Variants in AASDH observed in about 807,000 individuals in gnomAD.
AASDH encodes beta-alanine-activating enzyme.
Under a neutral mutation model 102.3 loss-of-function variants are expected in AASDH, and 81 were observed. The observed-to-expected ratio is 0.79, with a 90% CI of 0.66 to 0.95. The LOEUF (loss-of-function observed/expected upper bound fraction) is 0.95. Among genes scored for constraint, AASDH ranks in the 40% least tolerant of loss-of-function variants. The pLI is 0.00. For synonymous variants in AASDH, 398 were observed against 454.0 expected (o/e 0.88, Z 1.57); for missense variants, 1,203 against 1,266.2 (o/e 0.95, Z 0.76).
chr4:56,361,243 T>A (rs1750251003), intron 5 of AASDH, among the ~76,000 whole-genome samples: 1 of 152,068 alleles, frequency 6.6e-6, no homozygotes, highest in Non-Finnish European at 1.5e-5. Context: ...ACTCTGTCTC[T>A]ACTAAAAATA....
intron 4 of AASDH, among the ~76,000 whole-genome samples, chr4:56,375,716 T>C (rs1338750257): frequency 6.6e-6 from 1 of 151,992 alleles, no homozygotes; most frequent in Non-Finnish European, 1.5e-5. Flanking sequence ...TACATCCCCA[T>C]CCCCACCTCA....
intron 5 of AASDH, among the ~76,000 whole-genome samples, chr4:56,366,249 GT>G (rs1750991643): frequency 6.6e-6 from 1 of 152,144 alleles, no homozygotes; most frequent in Admixed American, 6.5e-5. Flanking sequence ...ACCAAAAAAA[GT>G]CCAGGACCAG....
At chr4:56,358,106 T>C (rs1749831153) in intron 5 of AASDH, among the ~76,000 whole-genome samples, 1 of 152,050 alleles carries the variant, frequency 6.6e-6, no homozygotes, top group African/African-American at 2.4e-5. Flanking sequence ...ATTATCTTAA[T>C]TTCATTTTTA....
At chr4:56,385,933 T>C (rs6845143) in intron 1 of AASDH, among the ~76,000 whole-genome samples, 31 of 47,894 alleles carry the variant, frequency 6.5e-4, no homozygotes, top group Admixed American at 1.1e-3. Flanking sequence ...TTCTTTCTTT[T>C]TTTTTTTTTA....
intron 3 of AASDH, among the ~76,000 whole-genome samples, chr4:56,380,774 A>G (rs1752860224): frequency 6.6e-6 from 1 of 152,176 alleles, no homozygotes. Context: ...TTCTTAGTGG[A>G]GTGCTGTCTT....
intron 11 of AASDH, among the ~76,000 whole-genome samples, chr4:56,348,439 G>T (rs1748577890): frequency 1.3e-5 from 2 of 152,022 alleles, no homozygotes; most frequent in Non-Finnish European, 1.5e-5. Context: ...ATTTTTTGTA[G>T]TGACAGAGTT....
chr4:56,338,964 G>C (rs1560557435), intron 14 of AASDH, among the ~76,000 whole-genome samples, 173 bp from the exon 15 acceptor site: 1 of 152,040 alleles, frequency 6.6e-6, no homozygotes, highest in Non-Finnish European at 1.5e-5. Flanking sequence ...CTAGACCTCT[G>C]TCCCAGTGGT....
Position 56,355,256 on chromosome 4 carries a change from A to T in AASDH, c.1029T>A (p.Val343=). ...AACTTGATACCTCTGTGATACCATAAACATTAAATATTTGTGTTTTATTGC... is the reference window on the plus strand; with the variant it reads ...AACTTGATACCTCTGTGATACCATATACATTAAATATTTGTGTTTTATTGC... ...GEGNKTQIFN[V]YGITEVSSWA... is the part of the protein sequence containing the mutation. Residue 343 remains valine (V), a synonymous_variant, in exon 6 of 15, where the codon GTT becomes GTA. Coordinates refer to ENST00000205214, the MANE Select transcript of AASDH (RefSeq NM_181806.4). 1.2e-6 allele frequency: 2 copies of T among 1,614,080 alleles called. No homozygotes were observed. The highest frequency in any genetic ancestry group is 1.7e-6 in the Non-Finnish European group (2 of 1,179,986).
chr4:56,370,722 G>A (rs1396923802), intron 5 of AASDH, among the ~76,000 whole-genome samples: 1 of 152,188 alleles, frequency 6.6e-6, no homozygotes, highest in Non-Finnish European at 1.5e-5. Context: ...TGTTACAGCA[G>A]CCTGAATGGA....
intron 4 of AASDH, among the ~76,000 whole-genome samples, chr4:56,376,787 G>C (rs1469597557): frequency 1.3e-5 from 2 of 152,162 alleles, no homozygotes; most frequent in African/African-American, 4.8e-5. Flanking sequence ...AATTAACTTT[G>C]CCGGGCACGG....
intron 4 of AASDH, among the ~76,000 whole-genome samples, chr4:56,377,883 C>T (rs768965820): frequency 3.7e-4 from 57 of 152,194 alleles, no homozygotes; most frequent in Non-Finnish European, 2.1e-4. Context: ...CAGCTCACTG[C>T]AACCTCCACC....
At chr4:56,356,880 C>G in intron 5 of AASDH, 2 of 965,574 alleles carry the variant, frequency 2.1e-6, no homozygotes, top group Non-Finnish European at 3.2e-6. Flanking sequence ...TGGCTCGCAT[C>G]GCCAAGCTCG....
At chr4:56,350,537 T>C (rs913996945) in intron 10 of AASDH, among the ~76,000 whole-genome samples, 2 of 151,916 alleles carry the variant, frequency 1.3e-5, no homozygotes, top group African/African-American at 4.8e-5. Flanking sequence ...ATTTTATTTA[T>C]GTTAAAGGAG....
At chr4:56,382,353 G>A (rs1753068835) in intron 3 of AASDH, 124 bp downstream of exon 3, 4 of 937,192 alleles carry the variant, frequency 4.3e-6, no homozygotes, top group Non-Finnish European at 6.3e-6. Flanking sequence ...AAATGTCATA[G>A]TGCAAAGACT....
At chr4:56,351,918 A>C (rs1447604967) in intron 9 of AASDH, among the ~76,000 whole-genome samples, 4 of 72,972 alleles carry the variant, frequency 5.5e-5, no homozygotes, top group Non-Finnish European at 9.7e-5. Context: ...CCCTATCTCC[A>C]AAAAAAAAAA....
At chr4:56,354,014 A>G in intron 8 of AASDH, 25 bp downstream of exon 8, 1 of 1,574,234 alleles carries the variant, frequency 6.4e-7, no homozygotes, top group South Asian at 1.2e-5. Flanking sequence ...ATATTAATAG[A>G]TATTCAATAT....
chr4:56,386,953 G>A (rs1753637014), intron 1 of AASDH, among the ~76,000 whole-genome samples: 1 of 152,026 alleles, frequency 6.6e-6, no homozygotes, highest in Non-Finnish European at 1.5e-5. Context: ...ATTGCTATGG[G>A]GCCTCTCTCT....
intron 5 of AASDH, chr4:56,356,702 G>A (rs999057714): frequency 1.0e-5 from 7 of 699,054 alleles, no homozygotes; most frequent in African/African-American, 5.2e-5. Flanking sequence ...GGAAGACTGG[G>A]ATGTCTAGTC....
Position 56,361,619 on chromosome 4 carries a change from A to G in AASDH, c.862-6196T>C, listed in dbSNP as rs541957955. On this transcript the variant is annotated intron_variant, in intron 5 of 14. Coordinates refer to ENST00000205214, the MANE Select transcript of AASDH (RefSeq NM_181806.4). ...TTAAGGAAAAACTCAGGAAAAATGG[A>G]AAACATTATTATGCTGACACATTCC... Among the ~76,000 whole-genome samples the G allele has an allele frequency of 2.6e-5, 4 of 152,276 alleles. No individual in the cohort carries two copies. The South Asian group carries it at 8.3e-4, about 32-fold the overall frequency.
Sources: gnomAD v4.1 joint callset for allele counts (sites outside exome capture counted in the v4.1 genomes callset) on GRCh38, gnomAD v4.1.1 for gene constraint, MANE v1.5 for transcripts, NCBI Gene and HGNC (gene_info 2026-07-23, HGNC 2026-07-21) for gene names.